The following TMEM132B variants were observed in gnomAD, a reference collection of about 807,000 sequenced individuals.
The protein encoded by TMEM132B is transmembrane protein 132B.
In TMEM132B, 18 loss-of-function variants were observed where a neutral mutation model predicts 90.8. The ratio of observed to expected loss-of-function variants is 0.20; its 90% CI spans 0.14 to 0.29. The LOEUF (loss-of-function observed/expected upper bound fraction) is 0.29. Among genes scored for constraint, TMEM132B ranks in the 10% least tolerant of loss-of-function variants. The pLI is 1.00. For synonymous variants in TMEM132B, 504 were observed against 523.3 expected, an observed-to-expected ratio of 0.96 and a Z score of 0.50; for missense variants, 1,096 against 1,326.8, an observed-to-expected ratio of 0.83 and a Z score of 2.70.
intron 3 of TMEM132B, among the ~76,000 whole-genome samples, chr12:125,447,921 AT>A (rs1232942720): frequency 1.3e-5 from 2 of 152,158 alleles, no homozygotes; most frequent in Non-Finnish European, 2.9e-5. Context: ...CTTTTTAAGA[AT>A]CAAAATATTT....
At chr12:125,382,906 G>A (rs1878725499) in intron 2 of TMEM132B, among the ~76,000 whole-genome samples, 1 of 152,198 alleles carries the variant, frequency 6.6e-6, no homozygotes, top group African/African-American at 2.4e-5. Context: ...TGGTGGTGGA[G>A]ACATAGGAGA....
At chr12:125,508,823 G>A (rs1464720942) in intron 3 of TMEM132B, among the ~76,000 whole-genome samples, 5 of 146,444 alleles carry the variant, frequency 3.4e-5, no homozygotes, top group African/African-American at 5.1e-5. Context: ...CTGTCGCCCA[G>A]CCTGGAGTGC....
intron 1 of TMEM132B, among the ~76,000 whole-genome samples, chr12:125,317,250 C>T (rs536575353): frequency 6.2e-4 from 95 of 152,278 alleles, no homozygotes; most frequent in African/African-American, 2.2e-3. Flanking sequence ...TTGGTATACT[C>T]AAAGCGATTG....
chr12:125,243,032 T>TATATATATATATATATATACACAC (rs1215676534), intron 1 of TMEM132B, among the ~76,000 whole-genome samples: 6 of 135,030 alleles, frequency 4.4e-5, no homozygotes, highest in Non-Finnish European at 9.5e-5. Flanking sequence ...TATATATATA[T>TATATATATATATATATATACACAC]ACACACACAC....
intron 1 of TMEM132B, among the ~76,000 whole-genome samples, chr12:125,328,790 C>T (rs1227949378): frequency 6.6e-6 from 1 of 152,186 alleles, no homozygotes; most frequent in Non-Finnish European, 1.5e-5. Context: ...TTTTCTCTGG[C>T]TCCCTCAAGA....
intron 1 of TMEM132B, chr12:125,300,792 G>C (rs1027718346): frequency 1.3e-5 from 2 of 152,176 alleles, no homozygotes; most frequent in African/African-American, 4.8e-5. Context: ...TCTGAACCCC[G>C]GCCACTGTGC....
At chr12:125,217,643 G>A (rs531689836) in intron 1 of TMEM132B, among the ~76,000 whole-genome samples, 2 of 152,104 alleles carry the variant, frequency 1.3e-5, no homozygotes, top group African/African-American at 4.8e-5. Flanking sequence ...TGTAGAGATG[G>A]GGGTCTCACC....
intron 5 of TMEM132B, among the ~76,000 whole-genome samples, chr12:125,628,695 G>T (rs1455537663): frequency 6.6e-6 from 1 of 152,072 alleles, no homozygotes; most frequent in African/African-American, 2.4e-5. Flanking sequence ...GCCTATGCTT[G>T]TAGGATAATA....
In TMEM132B at chr12:125,213,591, A is replaced by C. The variant is rs1873369672; in HGVS notation, c.67+26725A>C. On this transcript the variant is annotated intron_variant, in intron 1 of 8. Coordinates refer to ENST00000682704, the MANE Select transcript of TMEM132B (RefSeq NM_001366854.1). This position sits in a 1 kb window ranked among gnomAD's most constrained non-coding sequence, Gnocchi z 4.2. ...TCACTCTCTGGCTTCTGATTCAGTGATGGCTTCTCCAGCCTAGACCTTCTC... is the reference window on the plus strand; with the variant it reads ...TCACTCTCTGGCTTCTGATTCAGTGCTGGCTTCTCCAGCCTAGACCTTCTC... Among the ~76,000 whole-genome samples, 1 of 152,218 alleles carries C rather than the reference A, an allele frequency of 6.6e-6. No homozygotes were observed. Among genetic ancestry groups the C allele is most frequent in the Non-Finnish European group, 1.5e-5 (1 of 68,048 alleles).
intron 4 of TMEM132B, among the ~76,000 whole-genome samples, chr12:125,555,668 C>A (rs1884362675): frequency 6.6e-6 from 1 of 151,100 alleles, no homozygotes; most frequent in African/African-American, 2.4e-5. Flanking sequence ...ACATATGTAA[C>A]AAACCTGCAC....
chr12:125,327,562 A>G (rs889463831), intron 1 of TMEM132B: 3 of 152,246 alleles, frequency 2.0e-5, no homozygotes, highest in Non-Finnish European at 4.4e-5. Context: ...TTACTTGGGC[A>G]GTATGTTGAC....
chr12:125,584,591 C>T (rs528537624), intron 5 of TMEM132B: 1 of 152,758 alleles, frequency 6.5e-6, no homozygotes, highest in South Asian at 2.1e-4. Context: ...TAAGTTCACC[C>T]ATGTGCCACC....
At chr12:125,557,360 A>T (rs1318706484) in intron 4 of TMEM132B, among the ~76,000 whole-genome samples, 1 of 152,074 alleles carries the variant, frequency 6.6e-6, no homozygotes, top group African/African-American at 2.4e-5. Flanking sequence ...GGGTTGCTAT[A>T]GGGGTCTGCC....
At chr12:125,281,241 G>C (rs758333532) in intron 1 of TMEM132B, among the ~76,000 whole-genome samples, 1 of 152,112 alleles carries the variant, frequency 6.6e-6, no homozygotes, top group Non-Finnish European at 1.5e-5. Flanking sequence ...ATGGGCCAGG[G>C]CAGGCAGGGA....
intron 1 of TMEM132B, among the ~76,000 whole-genome samples, chr12:125,344,245 C>T (rs1370436227): frequency 6.6e-6 from 1 of 152,138 alleles, no homozygotes; most frequent in African/African-American, 2.4e-5. Context: ...GTCAGGAAAA[C>T]AAATCACTCT....
intron 3 of TMEM132B, among the ~76,000 whole-genome samples, chr12:125,443,456 T>C (rs149123787): frequency 1.3e-5 from 2 of 152,126 alleles, no homozygotes; most frequent in Non-Finnish European, 2.9e-5. Flanking sequence ...GGGGAGGGCC[T>C]TGATTTGGTC....
In TMEM132B at chr12:125,251,252, T is replaced by C. The variant is rs1052295447; in HGVS notation, c.67+64386T>C. 1.2e-4 allele frequency among the ~76,000 whole-genome samples: 19 copies of C among 152,194 alleles called. No individual in the cohort carries two copies. The highest frequency in any genetic ancestry group is 3.9e-4 in the Admixed American group (6 of 15,278). ...CAGAAAGTGAGATGATTTTTGAAAA[T>C]ATCAAAAACTATCATTAATTTGGGC... On this transcript the variant is annotated intron_variant, in intron 1 of 8. Coordinates refer to ENST00000682704, the MANE Select transcript of TMEM132B (RefSeq NM_001366854.1). This position sits in a 1 kb window ranked among gnomAD's most constrained non-coding sequence, Gnocchi z 4.4.
intron 1 of TMEM132B, among the ~76,000 whole-genome samples, chr12:125,203,582 A>G (rs1226783950): frequency 6.6e-6 from 1 of 152,170 alleles, no homozygotes; most frequent in South Asian, 2.1e-4. Flanking sequence ...GGATTTTATA[A>G]TTTTTTTTCT....
intron 3 of TMEM132B, among the ~76,000 whole-genome samples, chr12:125,421,587 G>A (rs902304804): frequency 6.6e-6 from 1 of 152,210 alleles, no homozygotes; most frequent in Admixed American, 6.5e-5. Flanking sequence ...AGATCTGGGT[G>A]AGGACACAGC....
Sources: gnomAD v4.1 joint callset for allele counts (sites outside exome capture counted in the v4.1 genomes callset) on GRCh38, gnomAD v4.1.1 for gene constraint, Gnocchi (gnomAD v3.1) non-coding constraint, MANE v1.5 for transcripts, NCBI Gene and HGNC (gene_info 2026-07-23, HGNC 2026-07-21) for gene names.